Variants in TTC21B observed in about 807,000 individuals in gnomAD.
TTC21B encodes the protein tetratricopeptide repeat domain 21B.
In TTC21B, 127 loss-of-function variants were observed where a neutral mutation model predicts 175.1. The observed-to-expected ratio is 0.73, with a 90% CI of 0.63 to 0.84. The LOEUF is 0.84. Among genes scored for constraint, TTC21B ranks in the 40% least tolerant of loss-of-function variants. The pLI is 0.00. For missense variants in TTC21B, 1,561 were observed against 1,558.3 expected, an observed-to-expected ratio of 1.00 and a Z score of -0.03; for synonymous variants, 524 against 524.5, an observed-to-expected ratio of 1.00 and a Z score of 0.01.
rs563221436 is a variant in TTC21B, at chr2:165,922,009, T to C, written c.1516+2540A>G. Among the ~76,000 whole-genome samples, 24 of 152,050 alleles carry C rather than the reference T, an allele frequency of 1.6e-4. No individual in the cohort carries two copies. In the East Asian group the frequency reaches 4.5e-3, roughly 28 times the overall value. ...CTTTCCCCTGAGTCCCCAAAGTCCA[T>C]TGTATCATTCTTACGTAGGCTGTTA... On this transcript the variant is annotated intron_variant, in intron 12 of 28. Coordinates refer to ENST00000243344, the MANE Select transcript of TTC21B (RefSeq NM_024753.5).
In TTC21B at chr2:165,898,860, G is replaced by C. The variant is rs930333776; in HGVS notation, c.2869-93C>G. The stretch of plus-strand genomic sequence containing the variant: ...GATTTAGCACTAGAAAAATATAGAT[G>C]ATAAACATGAGGAGGGGGCAGCATT... On this transcript the variant is annotated intron_variant, in intron 21 of 28. Coordinates refer to ENST00000243344, the MANE Select transcript of TTC21B (RefSeq NM_024753.5). The C allele has an allele frequency of 3.7e-6, 3 of 804,328 alleles. No individual in the cohort carries two copies. In the African/African-American group the frequency reaches 5.1e-5, roughly 14 times the overall value. The allele number at this position is 804,328 out of a possible 1,614,324, so 49.8% of individuals were successfully genotyped here.
At chr2:165,924,701 T>C (rs1019323106) in intron 11 of TTC21B, 23 bp from the exon 12 acceptor site, 1 of 1,609,856 alleles carries the variant, frequency 6.2e-7, no homozygotes, top group African/African-American at 1.3e-5. Context: ...AATCAGCAGA[T>C]CATTTTATAA....
chr2:165,919,233 A>C (rs763681385), intron 13 of TTC21B, 43 bp downstream of exon 13: 19 of 1,605,314 alleles, frequency 1.2e-5, no homozygotes, highest in Non-Finnish European at 1.6e-5. Context: ...TAAGCTTTCA[A>C]GGAGGGTGAT....
rs1453462442 is a variant in TTC21B at position 165,924,668 on chromosome 2, G to T, written c.1397C>A (p.Pro466His). 1 of 1,613,280 alleles carries T rather than the reference G, an allele frequency of 6.2e-7. No individual in the cohort carries two copies. Among genetic ancestry groups the T allele is most frequent in the African/African-American group, 1.3e-5 (1 of 74,852 alleles). Residue 466 changes from proline (P) to histidine (H), a missense_variant, in exon 12 of 29, where the codon CCT (proline) becomes CAT (histidine). Physicochemically the swap from Pro to His is moderately conservative, Grantham distance 77 (BLOSUM62 -2). Transcript: ENST00000243344. ...LSFCPMQPAS[P>H]GQPLCPLLRR... is the part of the protein sequence containing the mutation. Reference sequence around the variant, plus strand: ...GAGAAGTGGACAAAGAGGTTGCCCAGGACTTGCAGGCTAAACAAAACAAAT... The same window carrying T: ...GAGAAGTGGACAAAGAGGTTGCCCATGACTTGCAGGCTAAACAAAACAAAT...
rs1336338964 is a variant in TTC21B at position 165,901,781 on chromosome 2, A to T, written c.2698T>A (p.Tyr900Asn). The T allele has an allele frequency of 1.9e-6, 3 of 1,614,136 alleles. No individual in the cohort carries two copies. The Admixed American group carries it at 5.0e-5, about 27-fold the overall frequency. The part of the protein sequence containing the change: ...IAKHSVAQRD[Y>N]EKAIKFYREA... ...CTATAAAACTTAATTGCTTTTTCAT[A>T]GTCTCGCTGAGCAACAGAATGTTTT... Residue 900 changes from tyrosine (Y) to asparagine (N), a missense_variant, in exon 20 of 29, where the codon TAT becomes AAT. Physicochemically the swap from Tyr to Asn is moderately radical, Grantham distance 143. Coordinates refer to ENST00000243344, the MANE Select transcript of TTC21B (RefSeq NM_024753.5).
rs907313441 is a variant in TTC21B at position 165,874,902 on chromosome 2, A to G, written c.3874-70T>C. The G allele has an allele frequency of 4.4e-5, 59 of 1,342,334 alleles. No homozygotes were observed. The African/African-American group carries it at 7.6e-4, about 17-fold the overall frequency. The allele number at this position is 1,342,334 out of a possible 1,614,324, so 83.2% of individuals were successfully genotyped here. On this transcript the variant is annotated intron_variant, in intron 28 of 28. Transcript: ENST00000243344. ...CAAAAACTACGGAGTTACAAAACTT[A>G]TAAGAAATGAGCATTACAGTTAAGA...
At chr2:165,928,322 G>A (rs1393373103) in intron 11 of TTC21B, among the ~76,000 whole-genome samples, 1 of 152,080 alleles carries the variant, frequency 6.6e-6, no homozygotes, top group East Asian at 1.9e-4. Context: ...ACAAGTAAGA[G>A]ACTGAAAGTC....
rs1438366772 is a variant in TTC21B at position 165,876,015 on chromosome 2, T to G, written c.3873+150A>C. 12 of 599,536 alleles carry G rather than the reference T, an allele frequency of 2.0e-5. No homozygotes were observed. In the East Asian group the frequency reaches 3.4e-4, roughly 17 times the overall value. 37.1% of individuals were successfully genotyped at this position (599,536 alleles called of 1,614,324 possible). ...TTAGGTGAACATCATTTTCTAAATT[T>G]CGAACACTGATAATCTCCCTAAACA... On this transcript the variant is annotated intron_variant, in intron 28 of 28. Coordinates refer to ENST00000243344, the MANE Select transcript of TTC21B (RefSeq NM_024753.5).
intron 18 of TTC21B, among the ~76,000 whole-genome samples, chr2:165,908,656 AAT>A (rs1361759178): frequency 1.3e-5 from 2 of 152,170 alleles, no homozygotes; most frequent in Non-Finnish European, 2.9e-5. Context: ...CTCAAAGATT[AAT>A]ATGAGTCCTG....
chr2:165,934,042 C>G (rs34438521), intron 6 of TTC21B: 1 of 152,164 alleles, frequency 6.6e-6, no homozygotes, highest in Admixed American at 6.6e-5. Flanking sequence ...CAAGCCTTGC[C>G]TGAGATCAGC....
chr2:165,908,750 T>C (rs1315139508), intron 18 of TTC21B, among the ~76,000 whole-genome samples: 1 of 152,178 alleles, frequency 6.6e-6, no homozygotes, highest in Non-Finnish European at 1.5e-5. Context: ...AAAGCATTTA[T>C]GTTACATAAA....
At chr2:165,947,132 T>G (rs1223567088) in intron 3 of TTC21B, 3 of 124,450 alleles carry the variant, frequency 2.4e-5, no homozygotes, top group African/African-American at 9.9e-5. Context: ...TCACTTACAT[T>G]AAGTCTATAC....
chr2:165,947,819 C>T (rs1687636406), intron 3 of TTC21B: 1 of 152,232 alleles, frequency 6.6e-6, no homozygotes, highest in Non-Finnish European at 1.5e-5. Flanking sequence ...CATTCAGCAT[C>T]ATCCTTGGTG....
intron 17 of TTC21B, among the ~76,000 whole-genome samples, chr2:165,912,211 A>G (rs903338364): frequency 6.6e-6 from 1 of 152,178 alleles, no homozygotes; most frequent in African/African-American, 2.4e-5. Context: ...CAGAAAGAAC[A>G]TTTATCATGT....
intron 25 of TTC21B, among the ~76,000 whole-genome samples, chr2:165,886,661 G>A (rs1201535083): frequency 6.6e-6 from 1 of 152,132 alleles, no homozygotes; most frequent in Non-Finnish European, 1.5e-5. Flanking sequence ...CAGAAAGCAG[G>A]CATAGTCCTT....
rs542819694 is a variant in TTC21B, at chr2:165,938,602, C to T, written c.710+2425G>A. ...AGCAACAAGTTGTACTACACCATGG[C>T]AGACAAACAACAAAATCTAGATCAT... On this transcript the variant is annotated intron_variant, in intron 6 of 28. Coordinates refer to ENST00000243344, the MANE Select transcript of TTC21B (RefSeq NM_024753.5). Among the ~76,000 whole-genome samples the T allele has an allele frequency of 2.6e-5, 4 of 152,162 alleles. No individual in the cohort carries two copies. In the East Asian group the frequency reaches 7.7e-4, roughly 29 times the overall value.
chr2:165,921,810 C>G (rs1483574787), intron 12 of TTC21B, among the ~76,000 whole-genome samples: 1 of 139,566 alleles, frequency 7.2e-6, no homozygotes, highest in Non-Finnish European at 1.5e-5. Context: ...TTTTTGGTTA[C>G]TAGAAATTTT....
At chr2:165,926,018 A>G (rs1314988636) in intron 11 of TTC21B, among the ~76,000 whole-genome samples, 1 of 152,204 alleles carries the variant, frequency 6.6e-6, no homozygotes, top group African/African-American at 2.4e-5. Context: ...GACAATCTTT[A>G]AGATATCGTT....
intron 25 of TTC21B, among the ~76,000 whole-genome samples, chr2:165,885,918 A>T (rs989705468): frequency 5.3e-5 from 8 of 152,226 alleles, no homozygotes; most frequent in Non-Finnish European, 1.2e-4. Flanking sequence ...TTGGATGTGG[A>T]CAATACAGCT....
Sources: gnomAD v4.1 joint callset for allele counts (sites outside exome capture counted in the v4.1 genomes callset) on GRCh38, gnomAD v4.1.1 for gene constraint, MANE v1.5 for transcripts, NCBI Gene and HGNC (gene_info 2026-07-23, HGNC 2026-07-21) for gene names.